The following ROBO2 variants were observed in gnomAD, a reference collection of about 807,000 sequenced individuals.
ROBO2 encodes the protein roundabout homolog 2.
A neutral mutation model predicts 160.8 loss-of-function variants in ROBO2; 53 were observed. That is an observed-to-expected ratio of 0.33 (90% CI 0.26 to 0.41). The LOEUF is 0.41. ROBO2 is among the 10% of genes least tolerant of loss of function. The probability of loss-of-function intolerance (pLI) is 1.00; values close to 1 mark genes in which losing one functional copy is unlikely to be tolerated. For missense variants in ROBO2, 1,577 were observed against 1,722.4 expected, an observed-to-expected ratio of 0.92 and a Z score of 1.49; for synonymous variants, 664 against 611.7, an observed-to-expected ratio of 1.09 and a Z score of -1.26.
At chr3:76,859,088 G>C (rs1001104133) in intron 2 of ROBO2, among the ~76,000 whole-genome samples, 6 of 152,160 alleles carry the variant, frequency 3.9e-5, no homozygotes, top group African/African-American at 1.4e-4. Context: ...TCCAAATTTT[G>C]AATATGGGCA....
intron 2 of ROBO2, among the ~76,000 whole-genome samples, chr3:77,238,578 A>C (rs918415865): frequency 6.6e-6 from 1 of 152,192 alleles, no homozygotes; most frequent in African/African-American, 2.4e-5. Context: ...TATTTCTATG[A>C]GGAACATTTA....
At chr3:76,431,196 G>T (rs2076422615) in intron 2 of ROBO2, among the ~76,000 whole-genome samples, 1 of 151,740 alleles carries the variant, frequency 6.6e-6, no homozygotes, top group South Asian at 2.1e-4. Context: ...CCGCATCTTT[G>T]GTTTTATGAA....
At chr3:76,021,399 CAT>C (rs1204797396) in intron 2 of ROBO2, among the ~76,000 whole-genome samples, 4 of 151,790 alleles carry the variant, frequency 2.6e-5, no homozygotes, top group Non-Finnish European at 4.4e-5. Flanking sequence ...ATTTCCCAAA[CAT>C]GTGTTTTCAT....
intron 2 of ROBO2, among the ~76,000 whole-genome samples, chr3:77,415,738 G>A (rs559531530): frequency 6.6e-5 from 10 of 152,244 alleles, no homozygotes; most frequent in Middle Eastern, 3.4e-3. Flanking sequence ...CAGTGGCATC[G>A]GAAAACTCAG....
At chr3:75,932,328 C>G (rs185832504) in intron 1 of ROBO2, among the ~76,000 whole-genome samples, 17 of 152,274 alleles carry the variant, frequency 1.1e-4, no homozygotes, top group African/African-American at 4.1e-4. Flanking sequence ...TTGTTTTTCA[C>G]TGAAAAGTCA....
At chr3:76,453,671 A>G (rs1346345574) in intron 2 of ROBO2, among the ~76,000 whole-genome samples, 1 of 152,134 alleles carries the variant, frequency 6.6e-6, no homozygotes, top group Non-Finnish European at 1.5e-5. Context: ...CATAAATTCA[A>G]ATAAACCTTT....
chr3:77,073,987 G>A (rs979257071), intron 1 of ROBO2, among the ~76,000 whole-genome samples: 2 of 152,128 alleles, frequency 1.3e-5, no homozygotes, highest in African/African-American at 4.8e-5. Context: ...GAGCTATTTT[G>A]ATAAACATTT....
chr3:76,799,193 G>A (rs1217956476), intron 2 of ROBO2, among the ~76,000 whole-genome samples: 5 of 151,176 alleles, frequency 3.3e-5, no homozygotes, highest in East Asian at 2.0e-4. Context: ...CAGCCTGGGC[G>A]ACAGAGTGAG....
At chr3:76,020,773 T>C (rs561957374) in intron 2 of ROBO2, among the ~76,000 whole-genome samples, 69 of 151,982 alleles carry the variant, frequency 4.5e-4, no homozygotes, top group African/African-American at 1.6e-3. Context: ...CAGCTTTCCT[T>C]TTGTGGTTAT....
intron 2 of ROBO2, among the ~76,000 whole-genome samples, chr3:76,794,887 C>T (rs9815653): frequency 0.01 from 1,552 of 152,032 alleles, 22 homozygotes; most frequent in African/African-American, 0.035. Flanking sequence ...ATGACTACCT[C>T]ACATAATTGT....
intron 2 of ROBO2, among the ~76,000 whole-genome samples, chr3:76,899,370 A>T (rs3884407): frequency 0.39 from 59,459 of 151,958 alleles, 12,451 homozygotes; most frequent in South Asian, 0.52. Context: ...AAGAGCACAG[A>T]ATAACAATAC....
chr3:76,593,246 A>T (rs1023599103), intron 2 of ROBO2, among the ~76,000 whole-genome samples: 1 of 152,074 alleles, frequency 6.6e-6, no homozygotes, highest in African/African-American at 2.4e-5. Context: ...TGTGACATTA[A>T]GAATGCTGTA....
chr3:76,124,765 T>A (rs1559570871), intron 2 of ROBO2, among the ~76,000 whole-genome samples: 1 of 152,184 alleles, frequency 6.6e-6, no homozygotes, highest in African/African-American at 2.4e-5. Flanking sequence ...ATATATTTTT[T>A]TCTGATCTGA....
At chr3:77,562,579 C>G in intron 9 of ROBO2, 72 bp from the exon 11 acceptor site, 1 of 1,042,670 alleles carries the variant, frequency 9.6e-7, no homozygotes, top group East Asian at 2.4e-5. Context: ...TAAATATTGC[C>G]TGGCTGTCAT....
chr3:76,504,361 C>A (rs1032312476), intron 2 of ROBO2, among the ~76,000 whole-genome samples: 3 of 152,080 alleles, frequency 2.0e-5, no homozygotes, highest in Non-Finnish European at 4.4e-5. Flanking sequence ...CAGAAAGCAA[C>A]GGCCAGCGCC....
At chr3:76,634,981 C>T (rs1222484493) in intron 2 of ROBO2, among the ~76,000 whole-genome samples, 1 of 152,140 alleles carries the variant, frequency 6.6e-6, no homozygotes, top group Admixed American at 6.5e-5. Flanking sequence ...CAATATAATG[C>T]CTGATGATCT....
At chr3:77,432,819 G>C (rs1470684579) in intron 2 of ROBO2, among the ~76,000 whole-genome samples, 3 of 152,144 alleles carry the variant, frequency 2.0e-5, no homozygotes, top group African/African-American at 7.2e-5. Flanking sequence ...CCGTATGCTG[G>C]TTTATTGTGT....
At chr3:76,179,229 C>T (rs1701381788) in intron 2 of ROBO2, among the ~76,000 whole-genome samples, 1 of 152,044 alleles carries the variant, frequency 6.6e-6, no homozygotes, top group Non-Finnish European at 1.5e-5. Context: ...TAGCACTGAA[C>T]AACATGGGTG....
At chr3:76,726,541 T>G (rs2107784701) in intron 2 of ROBO2, among the ~76,000 whole-genome samples, 1 of 152,280 alleles carries the variant, frequency 6.6e-6, no homozygotes, top group East Asian at 1.9e-4. Flanking sequence ...TTACTGATAC[T>G]TTTTTTCATG....
Sources: gnomAD v4.1 joint callset for allele counts (sites outside exome capture counted in the v4.1 genomes callset) on GRCh38, gnomAD v4.1.1 for gene constraint, MANE v1.5 for transcripts, NCBI Gene and HGNC (gene_info 2026-07-23, HGNC 2026-07-21) for gene names.